ANKS1B: variants seen among roughly 807,000 people sequenced by gnomAD.
ANKS1B encodes ankyrin repeat and sterile alpha motif domain containing 1B, also known as ankyrin repeat and sterile alpha motif domain-containing protein 1B.
ANKS1B carries 36 observed loss-of-function variants against 148.3 expected under a neutral mutation model. The observed-to-expected ratio is 0.24, with a 90% confidence interval of 0.19 to 0.32. ANKS1B has a LOEUF of 0.32. Among genes scored for constraint, ANKS1B ranks in the 10% least tolerant of loss-of-function variants. ANKS1B has a pLI of 1.00. For missense variants in ANKS1B, 1,157 were observed against 1,542.6 expected, an observed-to-expected ratio of 0.75 and a Z score of 4.19; for synonymous variants, 542 against 560.8, an observed-to-expected ratio of 0.97 and a Z score of 0.47.
chr12:99,294,705 G>A (rs2080586068), intron 12 of ANKS1B, among the ~76,000 whole-genome samples: 1 of 151,968 alleles, frequency 6.6e-6, no homozygotes, highest in Admixed American at 6.5e-5. Flanking sequence ...CGAGGCTGGA[G>A]TGCAATGGCG....
chr12:99,214,079 A>T (rs754519602), intron 14 of ANKS1B, among the ~76,000 whole-genome samples: 1 of 151,976 alleles, frequency 6.6e-6, no homozygotes, highest in Non-Finnish European at 1.5e-5. Context: ...ACCAATTTAC[A>T]TTACTTATTT....
chr12:99,376,428 G>T (rs1338505057), intron 12 of ANKS1B, among the ~76,000 whole-genome samples: 1 of 152,160 alleles, frequency 6.6e-6, no homozygotes, highest in African/African-American at 2.4e-5. Flanking sequence ...TTTATCTGGG[G>T]TGTTCAGATA....
chr12:99,828,678 G>T (rs2083510159), intron 1 of ANKS1B, among the ~76,000 whole-genome samples: 1 of 151,994 alleles, frequency 6.6e-6, no homozygotes, highest in Non-Finnish European at 1.5e-5. Flanking sequence ...AAATAAAAAA[G>T]AAAATCAGAG....
chr12:99,215,961 G>A (rs2084102514), intron 14 of ANKS1B, among the ~76,000 whole-genome samples: 1 of 152,166 alleles, frequency 6.6e-6, no homozygotes, highest in Non-Finnish European at 1.5e-5. Flanking sequence ...GTTTGGCTGT[G>A]TCCTCATCTT....
chr12:99,967,239 T>C (rs2095495288), intron 1 of ANKS1B, among the ~76,000 whole-genome samples: 1 of 152,174 alleles, frequency 6.6e-6, no homozygotes, highest in South Asian at 2.1e-4. Flanking sequence ...ATAGGCACTG[T>C]GATAGATATT....
At chr12:99,966,481 G>A (rs1659089902) in intron 1 of ANKS1B, among the ~76,000 whole-genome samples, 1 of 152,086 alleles carries the variant, frequency 6.6e-6, no homozygotes, top group African/African-American at 2.4e-5. Context: ...CTCATGGTCG[G>A]ATTTAGATCT....
At chr12:99,314,301 A>G (rs1437097872) in intron 12 of ANKS1B, among the ~76,000 whole-genome samples, 1 of 152,250 alleles carries the variant, frequency 6.6e-6, no homozygotes, top group Non-Finnish European at 1.5e-5. Context: ...TTCCATCCTC[A>G]TGGATAGGAA....
intron 2 of ANKS1B, among the ~76,000 whole-genome samples, chr12:99,813,475 A>C (rs887819593): frequency 6.6e-6 from 1 of 151,472 alleles, no homozygotes; most frequent in Non-Finnish European, 1.5e-5. Flanking sequence ...ATTTACATTT[A>C]AACATTTCAT....
At chr12:98,922,316 T>G (rs1202401117) in intron 17 of ANKS1B, among the ~76,000 whole-genome samples, 1 of 152,154 alleles carries the variant, frequency 6.6e-6, no homozygotes, top group Non-Finnish European at 1.5e-5. Context: ...GTCTACACGC[T>G]TTTTAGTGAG....
At chr12:99,027,845 C>T (rs1219446698) in intron 17 of ANKS1B, among the ~76,000 whole-genome samples, 1 of 152,174 alleles carries the variant, frequency 6.6e-6, no homozygotes, top group Non-Finnish European at 1.5e-5. Context: ...TAGAAAAGAA[C>T]ATTATTATAT....
chr12:99,134,715 C>G (rs1359068023), intron 15 of ANKS1B, among the ~76,000 whole-genome samples: 1 of 147,150 alleles, frequency 6.8e-6, no homozygotes, highest in African/African-American at 2.6e-5. Context: ...CATTTACCCT[C>G]CATTCTCAGG....
At chr12:99,926,955 C>T (rs188802630) in intron 1 of ANKS1B, among the ~76,000 whole-genome samples, 1 of 152,320 alleles carries the variant, frequency 6.6e-6, no homozygotes, top group Admixed American at 6.5e-5. Context: ...CTTTGAAATC[C>T]TGCCTACCCT....
At chr12:99,273,623 C>T (rs2077313186) in intron 12 of ANKS1B, among the ~76,000 whole-genome samples, 1 of 133,684 alleles carries the variant, frequency 7.5e-6, no homozygotes, top group South Asian at 2.2e-4. Context: ...GACACCCAGG[C>T]TGGAGTGCAG....
At chr12:99,445,248 C>T (rs2095617400) in intron 10 of ANKS1B, among the ~76,000 whole-genome samples, 1 of 151,960 alleles carries the variant, frequency 6.6e-6, no homozygotes, top group East Asian at 1.9e-4. Context: ...TTTCATTCAT[C>T]TAAAAACTAC....
chr12:99,361,963 G>C (rs372463751), intron 12 of ANKS1B, among the ~76,000 whole-genome samples: 1 of 151,416 alleles, frequency 6.6e-6, no homozygotes, highest in African/African-American at 2.4e-5. Flanking sequence ...CCAAATGCCA[G>C]GAAGAAAGTG....
intron 12 of ANKS1B, among the ~76,000 whole-genome samples, chr12:99,256,262 G>A (rs1230558488): frequency 1.2e-4 from 17 of 137,310 alleles, no homozygotes; most frequent in African/African-American, 1.1e-4. Context: ...AAAAAAAAAA[G>A]AAAAAAAAAA....
At chr12:99,615,161 G>A (rs2097942701) in intron 9 of ANKS1B, among the ~76,000 whole-genome samples, 1 of 151,302 alleles carries the variant, frequency 6.6e-6, no homozygotes, top group Non-Finnish European at 1.5e-5. Flanking sequence ...TAGGTAGGTA[G>A]GCAGATAGAT....
At chr12:99,160,592 C>T (rs565922146) in intron 14 of ANKS1B, among the ~76,000 whole-genome samples, 2 of 151,558 alleles carry the variant, frequency 1.3e-5, no homozygotes, top group Non-Finnish European at 2.9e-5. Context: ...TCATGATCTG[C>T]CTGCCTCGGC....
At chr12:99,862,547 A>G (rs1393524336) in intron 1 of ANKS1B, among the ~76,000 whole-genome samples, 1 of 152,240 alleles carries the variant, frequency 6.6e-6, no homozygotes, top group Non-Finnish European at 1.5e-5. Context: ...AAAGGGTATC[A>G]TGTTTTGTAT....
Sources: allele counts gnomAD v4.1 joint callset (sites outside exome capture counted in the v4.1 genomes callset), GRCh38; gene constraint gnomAD v4.1.1; transcripts MANE v1.5; gene names NCBI Gene and HGNC (gene_info 2026-07-23, HGNC 2026-07-21).